SLC44A5: variants seen among roughly 807,000 people sequenced by gnomAD.
The protein encoded by SLC44A5 is choline transporter-like protein 5.
A neutral mutation model predicts 101.8 loss-of-function variants in SLC44A5; 57 were observed. That is an observed-to-expected ratio of 0.56 (90% CI 0.45 to 0.70). SLC44A5 has a LOEUF of 0.70. Among genes scored for constraint, SLC44A5 ranks in the 30% least tolerant of loss-of-function variants. The pLI is 0.00. For missense variants in SLC44A5, 737 were observed against 853.1 expected (o/e 0.86, Z 1.70); for synonymous variants, 281 against 290.9 (o/e 0.97, Z 0.35).
Position 75,529,765 on chromosome 1 carries a change from A to G in SLC44A5, c.13+11670T>C, listed in dbSNP as rs577274611. Among the ~76,000 whole-genome samples the G allele has an allele frequency of 1.1e-4, 16 of 152,318 alleles. No homozygotes were observed. The South Asian group carries it at 3.1e-3, about 30-fold the overall frequency. On this transcript the variant is annotated intron_variant, in intron 2 of 23. Transcript: ENST00000370859. Reference sequence around the variant, plus strand: ...ATTTAGAGATAGAGAAAAGTGGCTCAAAGCTGTACTAATCCCCTCTAGAAG... The same window carrying G: ...ATTTAGAGATAGAGAAAAGTGGCTCGAAGCTGTACTAATCCCCTCTAGAAG...
chr1:75,219,943 T>G (rs1346736315), intron 14 of SLC44A5, 51 bp from the exon 15 acceptor site: 6 of 1,265,692 alleles, frequency 4.7e-6, no homozygotes, highest in Non-Finnish European at 6.7e-6. Context: ...AGAAATAAGC[T>G]TTAGACTGAA....
intron 3 of SLC44A5, among the ~76,000 whole-genome samples, chr1:75,349,848 A>G (rs7523051): frequency 6.6e-6 from 1 of 152,060 alleles, no homozygotes; most frequent in Admixed American, 6.5e-5. Context: ...TTAAACTTTT[A>G]TAAGTATGCA....
intron 4 of SLC44A5, among the ~76,000 whole-genome samples, chr1:75,319,744 G>T (rs987107563): frequency 6.6e-6 from 1 of 152,106 alleles, no homozygotes; most frequent in African/African-American, 2.4e-5. Context: ...GGATCACAGG[G>T]AATAGAATGT....
the SLC44A5 span, among the ~76,000 whole-genome samples, chr1:75,618,552 C>T: frequency 6.6e-6 from 1 of 152,196 alleles, no homozygotes; most frequent in African/African-American, 2.4e-5. Context: ...AACAGAAATA[C>T]ATTCTGAGAA....
chr1:75,341,172 T>A (rs1657846285), intron 3 of SLC44A5, among the ~76,000 whole-genome samples: 1 of 152,250 alleles, frequency 6.6e-6, no homozygotes, highest in Non-Finnish European at 1.5e-5. Flanking sequence ...AGACTAAGTC[T>A]GCCTTTATGA....
chr1:75,326,979 A>T (rs1422421090), intron 4 of SLC44A5, among the ~76,000 whole-genome samples: 1 of 152,124 alleles, frequency 6.6e-6, no homozygotes, highest in African/African-American at 2.4e-5. Context: ...GGAAGAAAAC[A>T]TTAAGAAATA....
chr1:75,559,151 A>G (rs1236782497), intron 1 of SLC44A5, among the ~76,000 whole-genome samples: 1 of 152,124 alleles, frequency 6.6e-6, no homozygotes, highest in African/African-American at 2.4e-5. Context: ...ACATATGGAA[A>G]TGATATATAT....
chr1:75,478,376 T>G (rs192333468), intron 2 of SLC44A5, among the ~76,000 whole-genome samples: 2 of 152,132 alleles, frequency 1.3e-5, no homozygotes, highest in African/African-American at 2.4e-5. Flanking sequence ...AACATCATAA[T>G]GACAGGATCA....
chr1:75,384,081 G>A (rs7522549), intron 3 of SLC44A5, among the ~76,000 whole-genome samples: 87,440 of 149,840 alleles, frequency 0.58, 26,467 homozygotes, highest in East Asian at 0.96. Flanking sequence ...AGGAACTACC[G>A]GTACCAGCCG....
intron 1 of SLC44A5, among the ~76,000 whole-genome samples, chr1:75,557,243 A>C (rs1672268011): frequency 6.6e-6 from 1 of 152,156 alleles, no homozygotes; most frequent in Non-Finnish European, 1.5e-5. Flanking sequence ...CCCCAAAGCC[A>C]TCTTAATATG....
chr1:75,562,831 T>C (rs1309569674), intron 1 of SLC44A5, among the ~76,000 whole-genome samples: 1 of 152,178 alleles, frequency 6.6e-6, no homozygotes, highest in Non-Finnish European at 1.5e-5. Flanking sequence ...GGTCTATTAT[T>C]TTTTGCTCCT....
At chr1:75,496,442 A>G (rs929893429) in intron 2 of SLC44A5, among the ~76,000 whole-genome samples, 1 of 152,116 alleles carries the variant, frequency 6.6e-6, no homozygotes. Context: ...CTTATCTTAC[A>G]ATATACACAA....
the SLC44A5 span, among the ~76,000 whole-genome samples, chr1:75,656,491 G>T: frequency 2.6e-4 from 40 of 152,190 alleles, no homozygotes; most frequent in African/African-American, 8.4e-4. Context: ...CATAAATTCA[G>T]AAAACATAAA....
intron 2 of SLC44A5, among the ~76,000 whole-genome samples, chr1:75,496,736 TAA>T (rs1293698723): frequency 6.6e-6 from 1 of 151,806 alleles, no homozygotes; most frequent in African/African-American, 2.4e-5. Context: ...ATATATCTAA[TAA>T]AGAGTTAATA....
chr1:75,617,887 T>C, the SLC44A5 span, among the ~76,000 whole-genome samples: 7 of 152,252 alleles, frequency 4.6e-5, no homozygotes, highest in Non-Finnish European at 1.0e-4. Context: ...TTGCCTATAT[T>C]AGAATAATGT....
chr1:75,480,565 C>CA (rs1277918911), intron 2 of SLC44A5, among the ~76,000 whole-genome samples: 4 of 152,104 alleles, frequency 2.6e-5, no homozygotes, highest in Non-Finnish European at 2.9e-5. Context: ...TCTCAGGATA[C>CA]AAAATCAATG....
intron 2 of SLC44A5, among the ~76,000 whole-genome samples, chr1:75,473,239 T>C (rs967988992): frequency 6.6e-5 from 10 of 152,182 alleles, no homozygotes; most frequent in Non-Finnish European, 1.5e-4. Context: ...AGCAACACTT[T>C]GCATAATCCT....
At chr1:75,525,499 A>G (rs1670360371) in intron 2 of SLC44A5, among the ~76,000 whole-genome samples, 1 of 152,196 alleles carries the variant, frequency 6.6e-6, no homozygotes, top group South Asian at 2.1e-4. Flanking sequence ...ATGTGGGACA[A>G]TACAACTGTC....
chr1:75,385,338 A>G lies in SLC44A5; in HGVS notation c.52+11245T>C, dbSNP rs552005647. Among the ~76,000 whole-genome samples, 6 of 149,614 alleles carry G rather than the reference A, an allele frequency of 4.0e-5. No individual in the cohort carries two copies. In the East Asian group the frequency reaches 1.2e-3, roughly 30 times the overall value. On this transcript the variant is annotated intron_variant, in intron 3 of 23. Transcript: ENST00000370859. Reference sequence around the variant, plus strand: ...AGACTAATAAAGAAAAAAAGAGAGAAGAATCAAATAGACACAATAAAAAAT... The same window carrying G: ...AGACTAATAAAGAAAAAAAGAGAGAGGAATCAAATAGACACAATAAAAAAT...
Sources: gnomAD v4.1 joint callset for allele counts (sites outside exome capture counted in the v4.1 genomes callset) on GRCh38, gnomAD v4.1.1 for gene constraint, MANE v1.5 for transcripts, NCBI Gene and HGNC (gene_info 2026-07-23, HGNC 2026-07-21) for gene names.